CCDC171: variants seen among roughly 807,000 people sequenced by gnomAD.
CCDC171 encodes the protein coiled-coil domain-containing protein 171.
CCDC171 carries 177 observed loss-of-function variants against 168.2 expected under a neutral mutation model. The observed-to-expected ratio is 1.05, with a 90% CI of 0.93 to 1.19. CCDC171 has a LOEUF of 1.19. Among genes scored for constraint, CCDC171 ranks in the 50% most tolerant of loss-of-function variants. CCDC171 has a pLI of 0.00. For synonymous variants in CCDC171, 687 were observed against 540.8 expected, an observed-to-expected ratio of 1.27 and a Z score of -3.75; for missense variants, 1,991 against 1,539.0, an observed-to-expected ratio of 1.29 and a Z score of -4.91.
chr9:15,765,105 G>A (rs1030576390), intron 18 of CCDC171, among the ~76,000 whole-genome samples: 1 of 152,196 alleles, frequency 6.6e-6, no homozygotes, highest in Non-Finnish European at 1.5e-5. Context: ...GATGAGAATT[G>A]AAGAATCACT....
At chr9:16,086,770 G>T in the CCDC171 span, among the ~76,000 whole-genome samples, 1 of 152,030 alleles carries the variant, frequency 6.6e-6, no homozygotes, top group Non-Finnish European at 1.5e-5. Context: ...GAGTTTGTTT[G>T]CTCTTGCTTC....
chr9:15,966,929 A>G (rs1830850715), intron 25 of CCDC171, among the ~76,000 whole-genome samples: 2 of 152,114 alleles, frequency 1.3e-5, no homozygotes, highest in South Asian at 2.1e-4. Flanking sequence ...GTATATTTAT[A>G]TGATGCATAT....
intron 8 of CCDC171, among the ~76,000 whole-genome samples, chr9:15,660,388 T>G (rs1335517013): frequency 6.6e-6 from 1 of 152,202 alleles, no homozygotes; most frequent in Non-Finnish European, 1.5e-5. Flanking sequence ...TGCCTGATGC[T>G]GAGGTTTGGG....
intron 16 of CCDC171, among the ~76,000 whole-genome samples, chr9:15,743,667 A>T (rs2055054767): frequency 6.6e-6 from 1 of 152,250 alleles, no homozygotes; most frequent in African/African-American, 2.4e-5. Flanking sequence ...GCTCACAATT[A>T]GTATTTCCTG....
At chr9:16,047,179 G>A (rs954380527) in intron 1 of CCDC171, among the ~76,000 whole-genome samples, 1 of 152,192 alleles carries the variant, frequency 6.6e-6, no homozygotes, top group Non-Finnish European at 1.5e-5. Flanking sequence ...GTGAGTGGGG[G>A]TGGCATTTTC....
At chr9:16,032,495 A>G (rs936621957) in intron 6 of CCDC171, among the ~76,000 whole-genome samples, 1 of 152,186 alleles carries the variant, frequency 6.6e-6, no homozygotes, top group Non-Finnish European at 1.5e-5. Flanking sequence ...CCAGTCTGGG[A>G]TCTGGCTTCT....
intron 8 of CCDC171, among the ~76,000 whole-genome samples, chr9:15,661,173 C>T (rs542844924): frequency 9.3e-5 from 14 of 151,028 alleles, no homozygotes; most frequent in African/African-American, 3.4e-4. Context: ...CCAGCTACTC[C>T]GGAGGCTGAG....
the CCDC171 span, among the ~76,000 whole-genome samples, chr9:16,103,370 T>C: frequency 1.3e-5 from 2 of 152,274 alleles, no homozygotes; most frequent in East Asian, 1.9e-4. Context: ...GTGACCTTCA[T>C]TGAACCACTT....
chr9:15,715,241 A>C (rs1413007247), intron 11 of CCDC171, among the ~76,000 whole-genome samples: 1 of 152,236 alleles, frequency 6.6e-6, no homozygotes, highest in African/African-American at 2.4e-5. Flanking sequence ...AGAAGGACTT[A>C]CATAATAAAT....
At chr9:16,058,163 A>T (rs1833872841) in intron 1 of CCDC171, among the ~76,000 whole-genome samples, 1 of 151,974 alleles carries the variant, frequency 6.6e-6, no homozygotes, top group Admixed American at 6.6e-5. Context: ...TCCAAGACCG[A>T]TCTCTGGAAC....
chr9:15,916,387 C>A (rs1337866543), intron 24 of CCDC171, among the ~76,000 whole-genome samples: 1 of 135,004 alleles, frequency 7.4e-6, no homozygotes, highest in East Asian at 2.3e-4. Flanking sequence ...GTATATTTGG[C>A]ATATGTGTTT....
intron 24 of CCDC171, among the ~76,000 whole-genome samples, chr9:15,907,794 A>T (rs1367402679): frequency 1.3e-5 from 2 of 152,210 alleles, no homozygotes; most frequent in Non-Finnish European, 2.9e-5. Context: ...TCTACCATGA[A>T]CTCCAACAAA....
At chr9:15,894,783 A>G (rs1184913) in intron 24 of CCDC171, among the ~76,000 whole-genome samples, 6 of 152,066 alleles carry the variant, frequency 3.9e-5, no homozygotes, top group African/African-American at 1.4e-4. Flanking sequence ...CTCATTGAAG[A>G]CTTCTCTCAT....
chr9:15,603,899 A>G (rs925528923), intron 6 of CCDC171, among the ~76,000 whole-genome samples: 4 of 152,116 alleles, frequency 2.6e-5, no homozygotes, highest in Admixed American at 2.6e-4. Context: ...TTTCACTGCA[A>G]CCTTGCCAGC....
At chr9:15,848,829 A>C in intron 22 of CCDC171, 64 bp from the exon 23 acceptor site, 1 of 866,468 alleles carries the variant, frequency 1.2e-6, no homozygotes, top group Non-Finnish European at 1.8e-6. Flanking sequence ...GACTTATACT[A>C]AAATGTGTAA....
the CCDC171 span, among the ~76,000 whole-genome samples, chr9:16,083,252 G>A: frequency 1.3e-5 from 2 of 152,122 alleles, no homozygotes; most frequent in Non-Finnish European, 2.9e-5. Context: ...AATCCTGGAA[G>A]TCAGTAAAGC....
intron 16 of CCDC171, among the ~76,000 whole-genome samples, chr9:15,733,478 G>GT (rs77820713): frequency 0.053 from 6,596 of 124,518 alleles, 180 homozygotes; most frequent in African/African-American, 0.062. Flanking sequence ...ATTAAGGTCA[G>GT]TTTTTTTTTT....
chr9:15,799,761 C>T (rs1463174250), intron 21 of CCDC171, among the ~76,000 whole-genome samples: 1 of 151,992 alleles, frequency 6.6e-6, no homozygotes, highest in Admixed American at 6.6e-5. Flanking sequence ...CCGACCTTCC[C>T]ACACATTCCC....
intron 25 of CCDC171, among the ~76,000 whole-genome samples, chr9:15,957,823 C>G (rs1829955073): frequency 6.6e-6 from 1 of 152,146 alleles, no homozygotes; most frequent in South Asian, 2.1e-4. Context: ...AGATAACTTT[C>G]CTCTTATCTT....
Sources: gnomAD v4.1 joint callset for allele counts (sites outside exome capture counted in the v4.1 genomes callset) on GRCh38, gnomAD v4.1.1 for gene constraint, MANE v1.5 for transcripts, NCBI Gene and HGNC (gene_info 2026-07-23, HGNC 2026-07-21) for gene names.